The following UBE2G1 variants were observed in gnomAD, a reference collection of about 807,000 sequenced individuals.
UBE2G1 encodes ubiquitin-conjugating enzyme E2 G1.
In UBE2G1, 5 loss-of-function variants were observed where a neutral mutation model predicts 22.7. That is an observed-to-expected ratio of 0.22 (90% CI 0.12 to 0.46). UBE2G1 has a LOEUF of 0.46. UBE2G1 is among the 20% of genes least tolerant of loss of function. UBE2G1 has a pLI of 0.99. For missense variants in UBE2G1, 88 were observed against 203.9 expected, an observed-to-expected ratio of 0.43 and a Z score of 3.46; for synonymous variants, 74 against 67.5, an observed-to-expected ratio of 1.10 and a Z score of -0.47.
At chr17:4,325,302 G>C (rs1969492723) in intron 1 of UBE2G1, among the ~76,000 whole-genome samples, 1 of 152,114 alleles carries the variant, frequency 6.6e-6, no homozygotes, top group South Asian at 2.1e-4. Context: ...ACGTGTCAAT[G>C]TAGTCCATCA....
chr17:4,320,577 T>C (rs1403095772), intron 1 of UBE2G1, among the ~76,000 whole-genome samples: 1 of 152,222 alleles, frequency 6.6e-6, no homozygotes, highest in East Asian at 1.9e-4. Flanking sequence ...TGGTGGTTGT[T>C]ATTACTAAGT....
At chr17:4,330,830 C>A (rs1969566458) in intron 1 of UBE2G1, among the ~76,000 whole-genome samples, 1 of 151,552 alleles carries the variant, frequency 6.6e-6, no homozygotes, top group African/African-American at 2.4e-5. Context: ...CTGACCTCAA[C>A]AGATCTACCC....
intron 1 of UBE2G1, among the ~76,000 whole-genome samples, chr17:4,342,139 G>A (rs1317856640): frequency 6.6e-6 from 1 of 152,192 alleles, no homozygotes; most frequent in Non-Finnish European, 1.5e-5. Context: ...AGCTGCCTAT[G>A]TGACTTCTCT....
chr17:4,338,073 G>A (rs574485584), intron 1 of UBE2G1, among the ~76,000 whole-genome samples: 5 of 152,242 alleles, frequency 3.3e-5, no homozygotes, highest in Admixed American at 3.3e-4. Flanking sequence ...GGGAGGCTGA[G>A]GCAGGAGAAC....
chr17:4,357,942 T>TA (rs1198814807), intron 1 of UBE2G1, among the ~76,000 whole-genome samples: 1 of 151,450 alleles, frequency 6.6e-6, no homozygotes, highest in Non-Finnish European at 1.5e-5. Flanking sequence ...TCTATTTTTA[T>TA]AAAAAATTTT....
intron 1 of UBE2G1, among the ~76,000 whole-genome samples, chr17:4,312,611 G>T (rs1408097978): frequency 6.6e-6 from 1 of 150,646 alleles, no homozygotes; most frequent in Non-Finnish European, 1.5e-5. Context: ...CAGGAAAATG[G>T]CGTGAACCTG....
rs116612490 is a variant in UBE2G1, at chr17:4,342,598, T to A, written c.46+23673A>T. Among the ~76,000 whole-genome samples, 438 of 152,220 alleles carry A rather than the reference T, an allele frequency of 2.9e-3. 3 individuals are homozygous for A. The highest frequency in any genetic ancestry group is 1.0e-2 in the African/African-American group (414 of 41,542). On this transcript the variant is annotated intron_variant, in intron 1 of 5. Coordinates refer to ENST00000396981, the MANE Select transcript of UBE2G1 (RefSeq NM_003342.5). ...CCTGCCTCAAAGAAAAAGAAAAGAA[T>A]TCTATTCCACCAGCAAATTCCAACA... is the stretch of plus-strand genomic sequence containing the variant.
intron 1 of UBE2G1, among the ~76,000 whole-genome samples, chr17:4,363,300 G>C (rs1277176859): frequency 6.6e-6 from 1 of 152,044 alleles, no homozygotes; most frequent in African/African-American, 2.4e-5. Flanking sequence ...CAATCCCATT[G>C]TTTCTGATCA....
chr17:4,300,354 C>T (rs938562839), intron 2 of UBE2G1, among the ~76,000 whole-genome samples: 4 of 151,220 alleles, frequency 2.6e-5, no homozygotes, highest in Non-Finnish European at 4.4e-5. Context: ...AACAACCTGA[C>T]CAATATGGTG....
chr17:4,296,904 G>A, intron 2 of UBE2G1, 90 bp from the exon 3 acceptor site: 1 of 1,086,158 alleles, frequency 9.2e-7, no homozygotes, highest in Non-Finnish European at 1.4e-6. Flanking sequence ...AAGGGTGCTA[G>A]CACTAACATC....
At chr17:4,345,924 T>C (rs1969764783) in intron 1 of UBE2G1, 1 of 152,196 alleles carries the variant, frequency 6.6e-6, no homozygotes, top group South Asian at 2.1e-4. Flanking sequence ...AATCATAAAA[T>C]GGATGATTAT....
At position 4,328,688 on chromosome 17, in the gene UBE2G1, G is replaced by A. The variant is rs150253796; in HGVS notation, c.47-21565C>T. On this transcript the variant is annotated intron_variant, in intron 1 of 5. Coordinates refer to ENST00000396981, the MANE Select transcript of UBE2G1 (RefSeq NM_003342.5). ...TATACATTTATTCAAACTTATAAAA[G>A]AAACCTAAGCACGTAGAAAATTGGA... 2.9e-3 allele frequency among the ~76,000 whole-genome samples: 441 copies of A among 152,278 alleles called. 1 individual carries two copies. Among genetic ancestry groups the A allele is most frequent in the African/African-American group, 1.0e-2 (414 of 41,562 alleles).
intron 1 of UBE2G1, among the ~76,000 whole-genome samples, chr17:4,312,363 T>C (rs1969319767): frequency 6.6e-6 from 1 of 152,010 alleles, no homozygotes; most frequent in Admixed American, 6.6e-5. Context: ...GCAGGGGATG[T>C]AACCGAATGA....
At chr17:4,283,796 A>G (rs1295351716) in intron 4 of UBE2G1, among the ~76,000 whole-genome samples, 1 of 152,136 alleles carries the variant, frequency 6.6e-6, no homozygotes, top group East Asian at 1.9e-4. Flanking sequence ...AGGGTCTATT[A>G]AACAGAGGCC....
At chr17:4,290,960 G>A (rs558851964) in intron 3 of UBE2G1, among the ~76,000 whole-genome samples, 9 of 152,202 alleles carry the variant, frequency 5.9e-5, no homozygotes, top group African/African-American at 1.4e-4. Flanking sequence ...GGCAAGGCCC[G>A]TGCCTTCAAT....
intron 4 of UBE2G1, among the ~76,000 whole-genome samples, chr17:4,286,245 A>C (rs1968961403): frequency 6.6e-6 from 1 of 151,982 alleles, no homozygotes; most frequent in Non-Finnish European, 1.5e-5. Context: ...TCTCTACTAA[A>C]ACTACAAAAA....
chr17:4,349,618 C>T (rs1310823855), intron 1 of UBE2G1, among the ~76,000 whole-genome samples: 6 of 151,798 alleles, frequency 4.0e-5, no homozygotes, highest in Non-Finnish European at 8.8e-5. Context: ...CCGAGGTGGG[C>T]GGATCACGAG....
rs140163359 is a variant in UBE2G1, at chr17:4,288,727, C to T, written c.426+503G>A. On this transcript the variant is annotated intron_variant, in intron 4 of 5. Transcript: ENST00000396981. The stretch of plus-strand genomic sequence containing the variant: ...GGTGTCACAGTTTACATCCTAATAA[C>T]GACGTATAGTATTCTTGAAAACTGC... Among the ~76,000 whole-genome samples the T allele has an allele frequency of 7.5e-4, 114 of 152,220 alleles. 1 individual carries two copies. The East Asian group carries it at 0.02, about 26-fold the overall frequency.
At chr17:4,312,325 C>T (rs1969319349) in intron 1 of UBE2G1, among the ~76,000 whole-genome samples, 1 of 152,122 alleles carries the variant, frequency 6.6e-6, no homozygotes, top group Non-Finnish European at 1.5e-5. Flanking sequence ...GTTGATGCAT[C>T]ACCCAAGGAT....
Sources: gnomAD v4.1 joint callset for allele counts (sites outside exome capture counted in the v4.1 genomes callset) on GRCh38, gnomAD v4.1.1 for gene constraint, MANE v1.5 for transcripts, NCBI Gene and HGNC (gene_info 2026-07-23, HGNC 2026-07-21) for gene names.